The following PTPN11 variants were observed in gnomAD, a reference collection of about 807,000 sequenced individuals.
PTPN11 encodes tyrosine-protein phosphatase non-receptor type 11.
In PTPN11, 6 loss-of-function variants were observed where a neutral mutation model predicts 78.8. That is an observed-to-expected ratio of 0.08 (90% CI 0.04 to 0.15). The LOEUF is 0.15. PTPN11 is among the 10% of genes least tolerant of loss of function. The probability of loss-of-function intolerance (pLI) is 1.00; values close to 1 mark genes in which losing one functional copy is unlikely to be tolerated. For synonymous variants in PTPN11, 221 were observed against 263.5 expected, an observed-to-expected ratio of 0.84 and a Z score of 1.56; for missense variants, 386 against 744.8, an observed-to-expected ratio of 0.52 and a Z score of 5.61.
chr12:112,439,772 A>G (rs2037852279), intron 1 of PTPN11, among the ~76,000 whole-genome samples: 1 of 145,560 alleles, frequency 6.9e-6, no homozygotes, highest in African/African-American at 2.6e-5. Context: ...GCATGGCTGG[A>G]TTGTCCTTTT....
intron 13 of PTPN11, among the ~76,000 whole-genome samples, chr12:112,496,925 A>G (rs546439275): frequency 6.6e-5 from 10 of 152,158 alleles, no homozygotes; most frequent in Non-Finnish European, 1.2e-4. Flanking sequence ...TAATCCTAGC[A>G]CTTTGGGAGG....
chr12:112,479,209 G>C (rs1473650406), intron 9 of PTPN11, among the ~76,000 whole-genome samples: 1 of 151,894 alleles, frequency 6.6e-6, no homozygotes, highest in Non-Finnish European at 1.5e-5. Flanking sequence ...AGATCTTATT[G>C]AGTGACAGCC....
intron 5 of PTPN11, among the ~76,000 whole-genome samples, chr12:112,455,381 G>A (rs566403977): frequency 6.6e-6 from 1 of 151,212 alleles, no homozygotes; most frequent in South Asian, 2.1e-4. Flanking sequence ...GATTATAGGT[G>A]GTGCCACTAC....
At chr12:112,483,187 CTT>C (rs576813489) in intron 10 of PTPN11, among the ~76,000 whole-genome samples, 20 of 130,706 alleles carry the variant, frequency 1.5e-4, no homozygotes, top group Admixed American at 2.3e-4. Context: ...GGGGAAGGGA[CTT>C]TTTTTTTTTT....
intron 13 of PTPN11, among the ~76,000 whole-genome samples, chr12:112,501,441 A>G (rs1387157515): frequency 1.3e-5 from 2 of 152,110 alleles, no homozygotes; most frequent in Middle Eastern, 3.2e-3. Context: ...GGCTAATAAC[A>G]TGGTTAAGCC....
chr12:112,453,901 A>G (rs942781145), intron 4 of PTPN11, among the ~76,000 whole-genome samples: 3 of 151,624 alleles, frequency 2.0e-5, no homozygotes, highest in Non-Finnish European at 2.9e-5. Context: ...GCCTCCTTCA[A>G]CCTCTCAAAG....
chr12:112,454,376 T>C (rs529924202), intron 4 of PTPN11, among the ~76,000 whole-genome samples, 188 bp from the exon 5 acceptor site: 1 of 152,312 alleles, frequency 6.6e-6, no homozygotes, highest in South Asian at 2.1e-4. Context: ...CGCCTTGGCC[T>C]CCCAAAGTGC....
At chr12:112,474,549 C>A (rs2038469429) in intron 7 of PTPN11, among the ~76,000 whole-genome samples, 1 of 152,010 alleles carries the variant, frequency 6.6e-6, no homozygotes, top group South Asian at 2.1e-4. Flanking sequence ...TGCCACCTGG[C>A]AAAGCCCAAG....
rs11066315 is a variant in PTPN11 at position 112,457,337 on chromosome 12, G to A, written c.756+1274G>A. On this transcript the variant is annotated intron_variant, in intron 6 of 15. Transcript: ENST00000351677. ...CAGCTTCATCCATGACCCTGCAAAG[G>A]ACATGAACTCATTCTTTTTTTATGG... 0.049 allele frequency: 13,847 copies of A among 284,836 alleles called. 1,867 individuals carry two copies. The East Asian group carries it at 0.62, about 13-fold the overall frequency. The allele number at this position is 284,836 out of a possible 1,614,324, so 17.6% of individuals were successfully genotyped here. A position where few individuals can be genotyped will look rare whatever the true frequency, so the allele number is the denominator to read the frequency against.
intron 6 of PTPN11, among the ~76,000 whole-genome samples, chr12:112,458,220 T>G (rs1006855631): frequency 1.3e-5 from 2 of 152,186 alleles, no homozygotes; most frequent in Admixed American, 6.6e-5. Context: ...GTTTTGTTTT[T>G]TTTCCTCCTG....
intron 1 of PTPN11, among the ~76,000 whole-genome samples, chr12:112,436,473 A>C (rs1187368596): frequency 1.3e-5 from 2 of 152,196 alleles, no homozygotes; most frequent in Non-Finnish European, 2.9e-5. Context: ...CTGGGATTTG[A>C]GACAGTGGTT....
At chr12:112,425,446 TAAC>T (rs754678994) in intron 1 of PTPN11, among the ~76,000 whole-genome samples, 1 of 152,154 alleles carries the variant, frequency 6.6e-6, no homozygotes, top group Non-Finnish European at 1.5e-5. Flanking sequence ...CTGTAGAAAG[TAAC>T]AAACTATAAA....
At chr12:112,462,530 GA>G (rs1264487693) in intron 6 of PTPN11, among the ~76,000 whole-genome samples, 1 of 152,006 alleles carries the variant, frequency 6.6e-6, no homozygotes, top group Non-Finnish European at 1.5e-5. Context: ...TAGTCAAATT[GA>G]AAAAACAAAG....
chr12:112,439,794 A>AC (rs2037853556), intron 1 of PTPN11, among the ~76,000 whole-genome samples: 1 of 150,348 alleles, frequency 6.7e-6, no homozygotes, highest in South Asian at 2.1e-4. Context: ...TAAAAAAAAA[A>AC]ACAAAAACAA....
chr12:112,449,696 A>G (rs1056709071), intron 2 of PTPN11, among the ~76,000 whole-genome samples: 2 of 152,212 alleles, frequency 1.3e-5, no homozygotes, highest in East Asian at 1.9e-4. Flanking sequence ...ATATTTTTGT[A>G]CAAGTGTTTT....
intron 2 of PTPN11, among the ~76,000 whole-genome samples, chr12:112,447,797 G>A (rs1239532779): frequency 1.4e-5 from 2 of 147,246 alleles, no homozygotes; most frequent in African/African-American, 2.5e-5. Context: ...ACCATGCCTG[G>A]CCTTTTTTTT....
At chr12:112,458,272 G>A (rs1355013129) in intron 6 of PTPN11, among the ~76,000 whole-genome samples, 5 of 152,304 alleles carry the variant, frequency 3.3e-5, no homozygotes, top group Admixed American at 1.3e-4. Context: ...GTACAGTGGT[G>A]CAATCATAGC....
intron 13 of PTPN11, among the ~76,000 whole-genome samples, chr12:112,489,780 C>G (rs929672469): frequency 2.6e-5 from 4 of 152,174 alleles, no homozygotes; most frequent in African/African-American, 9.7e-5. Flanking sequence ...CTCTCCCCAA[C>G]CCCTCAACCC....
intron 7 of PTPN11, among the ~76,000 whole-genome samples, chr12:112,475,871 C>T (rs2038493794): frequency 6.6e-6 from 1 of 152,158 alleles, no homozygotes; most frequent in Admixed American, 6.5e-5. Context: ...ATTTGTAATA[C>T]TGAGAAAAGG....
Sources: allele counts gnomAD v4.1 joint callset (sites outside exome capture counted in the v4.1 genomes callset), GRCh38; gene constraint gnomAD v4.1.1; transcripts MANE v1.5; gene names NCBI Gene and HGNC (gene_info 2026-07-23, HGNC 2026-07-21).